The following CNTNAP5 variants were observed in gnomAD, a reference collection of about 807,000 sequenced individuals.
The protein encoded by CNTNAP5 is contactin associated protein family member 5.
CNTNAP5 carries 72 observed loss-of-function variants against 150.2 expected under a neutral mutation model. The ratio of observed to expected loss-of-function variants is 0.48; its 90% CI spans 0.40 to 0.58. CNTNAP5 has a LOEUF of 0.58. CNTNAP5 is among the 20% of genes least tolerant of loss of function. CNTNAP5 has a pLI of 0.00. For synonymous variants in CNTNAP5, 672 were observed against 619.8 expected (o/e 1.08, Z -1.25); for missense variants, 1,636 against 1,626.2 (o/e 1.01, Z -0.10).
intron 13 of CNTNAP5, among the ~76,000 whole-genome samples, chr2:124,714,047 C>T (rs1679895077): frequency 6.6e-6 from 1 of 152,012 alleles, no homozygotes; most frequent in African/African-American, 2.4e-5. Flanking sequence ...TTTTTTCCCC[C>T]CAAACATAGT....
chr2:124,614,498 G>A (rs952155452), intron 12 of CNTNAP5, among the ~76,000 whole-genome samples: 2 of 152,150 alleles, frequency 1.3e-5, no homozygotes, highest in Non-Finnish European at 1.5e-5. Context: ...AAACAAGGGG[G>A]GATTTATCAT....
intron 22 of CNTNAP5, among the ~76,000 whole-genome samples, chr2:124,903,360 G>A (rs1678454435): frequency 6.6e-6 from 1 of 152,094 alleles, no homozygotes; most frequent in Non-Finnish European, 1.5e-5. Flanking sequence ...AATGCATTGT[G>A]TATGTGTGTG....
chr2:124,237,729 C>T (rs958519657), intron 2 of CNTNAP5, among the ~76,000 whole-genome samples: 5 of 151,918 alleles, frequency 3.3e-5, no homozygotes, highest in African/African-American at 1.2e-4. Flanking sequence ...CCCAGCTACT[C>T]GGGAGGCTAA....
intron 1 of CNTNAP5, among the ~76,000 whole-genome samples, chr2:124,178,410 A>G (rs2104675695): frequency 6.6e-6 from 1 of 152,234 alleles, no homozygotes; most frequent in Middle Eastern, 3.4e-3. Flanking sequence ...AGTTCTTAAT[A>G]TTATCATTCA....
chr2:124,044,933 T>C (rs567268567), intron 1 of CNTNAP5, among the ~76,000 whole-genome samples: 99 of 124,064 alleles, frequency 8.0e-4, no homozygotes, highest in South Asian at 1.2e-3. Flanking sequence ...CACACACACA[T>C]GAATAAGTGA....
At chr2:124,678,300 A>G (rs560594268) in intron 13 of CNTNAP5, among the ~76,000 whole-genome samples, 1 of 151,940 alleles carries the variant, frequency 6.6e-6, no homozygotes, top group East Asian at 1.9e-4. Context: ...TCTTGTCAGC[A>G]TGTAGCTGGC....
chr2:124,196,727 G>A (rs575891301), intron 1 of CNTNAP5, among the ~76,000 whole-genome samples: 3 of 152,240 alleles, frequency 2.0e-5, no homozygotes, highest in Non-Finnish European at 2.9e-5. Context: ...TTGTTAATTA[G>A]CAAATTAGTA....
At chr2:124,449,332 A>C (rs1306047293) in intron 6 of CNTNAP5, among the ~76,000 whole-genome samples, 1 of 152,192 alleles carries the variant, frequency 6.6e-6, no homozygotes, top group Non-Finnish European at 1.5e-5. Flanking sequence ...AAGAAAAGAG[A>C]TATTTTTTAT....
intron 13 of CNTNAP5, among the ~76,000 whole-genome samples, chr2:124,717,852 C>T (rs776352445): frequency 6.6e-6 from 1 of 152,072 alleles, no homozygotes; most frequent in Non-Finnish European, 1.5e-5. Flanking sequence ...CTGACAGATA[C>T]AAACACAAAT....
intron 3 of CNTNAP5, among the ~76,000 whole-genome samples, chr2:124,389,534 C>A (rs1046872656): frequency 2.0e-5 from 3 of 152,142 alleles, no homozygotes; most frequent in East Asian, 3.9e-4. Flanking sequence ...CTATGTTTAA[C>A]AAATGAGTTA....
At chr2:124,100,615 C>T (rs79004724) in intron 1 of CNTNAP5, among the ~76,000 whole-genome samples, 14,120 of 151,918 alleles carry the variant, frequency 0.093, 781 homozygotes, top group Non-Finnish European at 0.13. Context: ...CTCATAATTC[C>T]CGAACTTTGG....
chr2:124,402,917 C>T (rs1442382738), intron 3 of CNTNAP5, among the ~76,000 whole-genome samples: 1 of 152,160 alleles, frequency 6.6e-6, no homozygotes, highest in African/African-American at 2.4e-5. Flanking sequence ...TTTCTATAAA[C>T]GCCTGTCTGA....
chr2:124,917,829 A>G lies in CNTNAP5; in HGVS notation c.*3541A>G, dbSNP rs1186755647. On this transcript the variant is annotated 3_prime_UTR_variant, in exon 24 of 24. Transcript: ENST00000682447. ...AGGCATGTATTGTTGCAACAGGGCCACACATAAAGTGTCCTAGAATGCAGC... is the reference window on the plus strand; with the variant it reads ...AGGCATGTATTGTTGCAACAGGGCCGCACATAAAGTGTCCTAGAATGCAGC... Among the ~76,000 whole-genome samples the G allele has an allele frequency of 2.0e-5, 3 of 152,056 alleles. No homozygotes were observed. Among genetic ancestry groups the G allele is most frequent in the Non-Finnish European group, 4.4e-5 (3 of 67,988 alleles).
At chr2:124,592,453 C>A (rs6541962) in intron 11 of CNTNAP5, among the ~76,000 whole-genome samples, 66,264 of 150,896 alleles carry the variant, frequency 0.44, 15,091 homozygotes, top group East Asian at 0.8. Flanking sequence ...GATCCAATAT[C>A]TATGCTCATG....
intron 3 of CNTNAP5, among the ~76,000 whole-genome samples, chr2:124,330,419 C>T (rs115951152): frequency 1.3e-4 from 20 of 152,280 alleles, no homozygotes; most frequent in African/African-American, 2.6e-4. Flanking sequence ...TTGTAATCCC[C>T]ATAATCCCCA....
At chr2:124,780,848 C>T (rs1256524717) in intron 17 of CNTNAP5, among the ~76,000 whole-genome samples, 2 of 152,204 alleles carry the variant, frequency 1.3e-5, no homozygotes, top group Non-Finnish European at 2.9e-5. Context: ...AGCCACTGAC[C>T]TTCTCTTGGT....
In CNTNAP5 at chr2:124,869,843, A is replaced by T; in HGVS notation, c.3436+81A>T. ...ATAATTTTCATTAGGGTGTTTAAGG[A>T]TTCAGGTCTGGAGCCTTTTGCTCCC... is the stretch of plus-strand genomic sequence containing the variant. On this transcript the variant is annotated intron_variant, in intron 21 of 23. Coordinates refer to ENST00000682447, the MANE Select transcript of CNTNAP5 (RefSeq NM_001367498.1). The T allele has an allele frequency of 1.6e-5, 14 of 852,022 alleles. No individual in the cohort carries two copies. The South Asian group carries it at 2.2e-4, about 14-fold the overall frequency. The allele number at this position is 852,022 out of a possible 1,614,324, so 52.8% of individuals were successfully genotyped here. A position where few individuals can be genotyped will look rare whatever the true frequency, so the allele number is the denominator to read the frequency against.
chr2:124,170,758 TG>T lies in CNTNAP5; in HGVS notation c.83-50945del, dbSNP rs1013662968. On this transcript the variant is annotated intron_variant, in intron 1 of 23. Transcript: ENST00000682447. ...TAACTGTGGGTAGTAGAAAAATGATTGGTGAAAAGAGAACAGGAATAGGAAA... is the reference window on the plus strand; with the variant it reads ...TAACTGTGGGTAGTAGAAAAATGATTGTGAAAAGAGAACAGGAATAGGAAA... Among the ~76,000 whole-genome samples, 6 of 151,730 alleles carry T rather than the reference TG, an allele frequency of 4.0e-5. No homozygotes were observed. The Middle Eastern group carries it at 0.014, about 346-fold the overall frequency.
At chr2:124,480,542 G>C (rs758794027) in intron 7 of CNTNAP5, among the ~76,000 whole-genome samples, 2 of 152,008 alleles carry the variant, frequency 1.3e-5, no homozygotes, top group Non-Finnish European at 1.5e-5. Flanking sequence ...ACACACACAC[G>C]TAGTGACAGG....
Sources: gnomAD v4.1 joint callset for allele counts (sites outside exome capture counted in the v4.1 genomes callset) on GRCh38, gnomAD v4.1.1 for gene constraint, MANE v1.5 for transcripts, NCBI Gene and HGNC (gene_info 2026-07-23, HGNC 2026-07-21) for gene names.